Variants in SPEF2 observed in about 807,000 individuals in gnomAD.
SPEF2 encodes the protein sperm flagella and cilia-associated protein 2.
In SPEF2, 187 loss-of-function variants were observed where a neutral mutation model predicts 224.6. That is an observed-to-expected ratio of 0.83 (90% CI 0.74 to 0.94). The LOEUF is 0.94. Among genes scored for constraint, SPEF2 ranks in the 40% least tolerant of loss-of-function variants. SPEF2 has a pLI of 0.00. For missense variants in SPEF2, 2,170 were observed against 2,135.6 expected (o/e 1.02, Z -0.32); for synonymous variants, 715 against 707.3 (o/e 1.01, Z -0.17).
chr5:35,620,773 AAGTT>A (rs779047439), intron 1 of SPEF2, among the ~76,000 whole-genome samples: 140 of 152,312 alleles, frequency 9.2e-4, no homozygotes, highest in Non-Finnish European at 1.6e-3. Flanking sequence ...TAAAAACCAA[AAGTT>A]AGAGCTTATT....
At chr5:35,751,043 GTATATATATATACGTATATATATGTA>G (rs1561305201) in intron 23 of SPEF2, among the ~76,000 whole-genome samples, 14 of 27,670 alleles carry the variant, frequency 5.1e-4, no homozygotes, top group Admixed American at 1.4e-3. Context: ...ATACACATAT[GTATATATATATACGTATATATATGTA>G]TATATATATA....
At chr5:35,634,929 A>G (rs56386937) in intron 2 of SPEF2, among the ~76,000 whole-genome samples, 14,425 of 151,916 alleles carry the variant, frequency 0.095, 842 homozygotes, top group East Asian at 0.17. Context: ...CCCATCAAGC[A>G]TATCATATTG....
At chr5:35,742,385 A>G (rs1279941798) in intron 23 of SPEF2, among the ~76,000 whole-genome samples, 1 of 152,094 alleles carries the variant, frequency 6.6e-6, no homozygotes, top group Non-Finnish European at 1.5e-5. Context: ...GGTTTTTAAA[A>G]TATACTAAAA....
intron 16 of SPEF2, among the ~76,000 whole-genome samples, chr5:35,701,419 G>A (rs897611629): frequency 6.6e-6 from 1 of 152,106 alleles, no homozygotes; most frequent in Admixed American, 6.6e-5. Flanking sequence ...TATTGTTATG[G>A]GTATTAAATG....
At chr5:35,677,833 A>G (rs1752235187) in intron 10 of SPEF2, among the ~76,000 whole-genome samples, 1 of 152,216 alleles carries the variant, frequency 6.6e-6, no homozygotes, top group South Asian at 2.1e-4. Context: ...AGTGTCAGTT[A>G]CCCATGGTAA....
At chr5:35,803,459 T>A (rs755319281) in intron 34 of SPEF2, among the ~76,000 whole-genome samples, 2 of 152,208 alleles carry the variant, frequency 1.3e-5, no homozygotes, top group Non-Finnish European at 2.9e-5. Context: ...GTGGAGGAAC[T>A]GAACCAAGAA....
At chr5:35,787,549 G>C (rs1755330696) in intron 30 of SPEF2, among the ~76,000 whole-genome samples, 1 of 152,116 alleles carries the variant, frequency 6.6e-6, no homozygotes, top group African/African-American at 2.4e-5. Context: ...TCGGTCTACT[G>C]GTGTAACTCC....
At chr5:35,726,487 A>G (rs535719017) in intron 20 of SPEF2, among the ~76,000 whole-genome samples, 1 of 152,156 alleles carries the variant, frequency 6.6e-6, no homozygotes, top group African/African-American at 2.4e-5. Context: ...TATAATTTAG[A>G]TATAACTTCA....
intron 21 of SPEF2, among the ~76,000 whole-genome samples, chr5:35,730,002 C>T (rs567394576): frequency 2.0e-5 from 3 of 152,268 alleles, no homozygotes; most frequent in Middle Eastern, 3.4e-3. Flanking sequence ...TGCATGAAAA[C>T]GGACTAATAC....
intron 10 of SPEF2, among the ~76,000 whole-genome samples, chr5:35,673,359 A>G (rs1246846072): frequency 6.6e-6 from 1 of 152,216 alleles, no homozygotes; most frequent in African/African-American, 2.4e-5. Flanking sequence ...TCTTACTAGC[A>G]AATGAGTTGC....
chr5:35,700,882 T>C, intron 16 of SPEF2, 130 bp downstream of exon 16: 2 of 1,077,920 alleles, frequency 1.9e-6, no homozygotes, highest in Non-Finnish European at 2.6e-6. Context: ...AATAATTATC[T>C]AGTTGAGCAC....
At chr5:35,728,223 G>T (rs777423535) in intron 21 of SPEF2, among the ~76,000 whole-genome samples, 1 of 152,122 alleles carries the variant, frequency 6.6e-6, no homozygotes, top group Non-Finnish European at 1.5e-5. Context: ...CTTTTTAGAA[G>T]TAGAAGAATA....
intron 20 of SPEF2, among the ~76,000 whole-genome samples, chr5:35,726,756 AG>A (rs937958761): frequency 6.6e-6 from 1 of 152,180 alleles, no homozygotes; most frequent in African/African-American, 2.4e-5. Flanking sequence ...ATTAATCTAA[AG>A]GTAAGTGGAA....
intron 6 of SPEF2, among the ~76,000 whole-genome samples, chr5:35,654,122 T>A (rs981131640): frequency 1.3e-5 from 2 of 151,388 alleles, no homozygotes; most frequent in Admixed American, 1.3e-4. Context: ...TAGCCTGGCG[T>A]GGTGGCACAT....
chr5:35,736,914 C>CAA (rs577946529), intron 21 of SPEF2, among the ~76,000 whole-genome samples: 10 of 31,418 alleles, frequency 3.2e-4, no homozygotes, highest in Non-Finnish European at 7.0e-4. Flanking sequence ...CTGGAGCATC[C>CAA]AAAAAAATAA....
chr5:35,684,628 C>T (rs1334454274), intron 10 of SPEF2, among the ~76,000 whole-genome samples: 4 of 152,174 alleles, frequency 2.6e-5, no homozygotes, highest in African/African-American at 7.2e-5. Context: ...TACATAGGCT[C>T]CTCACACAAG....
At chr5:35,661,435 A>T (rs930107316) in intron 8 of SPEF2, among the ~76,000 whole-genome samples, 3 of 150,434 alleles carry the variant, frequency 2.0e-5, no homozygotes, top group Admixed American at 1.3e-4. Context: ...TATTTGTTTA[A>T]CTTTTAAGTT....
At position 35,807,260 on chromosome 5, in the gene SPEF2, A is replaced by G; in HGVS notation, c.5379+7A>G. ...TTCAGACTATAAGTTTCCTGTGAGT[A>G]TTACCCCAAAGTGCTCTAATTTGGT... On this transcript the variant is annotated splice_region_variant and intron_variant, in intron 36 of 36. Coordinates refer to ENST00000356031, the MANE Select transcript of SPEF2 (RefSeq NM_024867.4). 1 of 1,609,810 alleles carries G rather than the reference A, an allele frequency of 6.2e-7. No individual in the cohort carries two copies. Among genetic ancestry groups the G allele is most frequent in the Non-Finnish European group, 8.5e-7 (1 of 1,178,992 alleles).
chr5:35,648,383 T>C (rs766708688), intron 5 of SPEF2, among the ~76,000 whole-genome samples: 4 of 152,036 alleles, frequency 2.6e-5, no homozygotes, highest in Non-Finnish European at 4.4e-5. Context: ...TTGTTTTTTT[T>C]TGTTTGTTTT....
Sources: allele counts gnomAD v4.1 joint callset (sites outside exome capture counted in the v4.1 genomes callset), GRCh38; gene constraint gnomAD v4.1.1; transcripts MANE v1.5; gene names NCBI Gene and HGNC (gene_info 2026-07-23, HGNC 2026-07-21).